The following PBX1 variants were observed in gnomAD, a reference collection of about 807,000 sequenced individuals.
The protein encoded by PBX1 is PBX homeobox 1.
In PBX1, 6 loss-of-function variants were observed where a neutral mutation model predicts 53.4. The ratio of observed to expected loss-of-function variants is 0.11; its 90% CI spans 0.06 to 0.22. The LOEUF is 0.22. PBX1 is among the 10% of genes least tolerant of loss of function. The probability of loss-of-function intolerance (pLI) is 1.00; values close to 1 mark genes in which losing one functional copy is unlikely to be tolerated. For synonymous variants in PBX1, 204 were observed against 212.3 expected (o/e 0.96, Z 0.34); for missense variants, 251 against 551.4 (o/e 0.46, Z 5.46).
At chr1:164,762,419 T>G (rs1435073413) in intron 2 of PBX1, among the ~76,000 whole-genome samples, 3 of 152,200 alleles carry the variant, frequency 2.0e-5, no homozygotes, top group Admixed American at 1.3e-4. Flanking sequence ...CTACCTACCC[T>G]TAGAGATAAC....
chr1:164,667,699 A>C (rs1660882959), intron 2 of PBX1, among the ~76,000 whole-genome samples: 1 of 152,178 alleles, frequency 6.6e-6, no homozygotes, highest in Non-Finnish European at 1.5e-5. Context: ...AATCAGCTGT[A>C]ATTTTGCCGA....
At chr1:164,764,487 G>A (rs564232672) in intron 2 of PBX1, among the ~76,000 whole-genome samples, 1 of 152,018 alleles carries the variant, frequency 6.6e-6, no homozygotes, top group Non-Finnish European at 1.5e-5. Flanking sequence ...AGTAATGTGG[G>A]GATGACCACA....
At chr1:164,776,016 T>A (rs1667625148) in intron 2 of PBX1, among the ~76,000 whole-genome samples, 1 of 152,226 alleles carries the variant, frequency 6.6e-6, no homozygotes, top group Non-Finnish European at 1.5e-5. Context: ...AATCGGTTTG[T>A]CAGCTTTTCT....
intron 2 of PBX1, among the ~76,000 whole-genome samples, chr1:164,765,734 A>C (rs1238738826): frequency 1.3e-5 from 2 of 152,206 alleles, no homozygotes; most frequent in Non-Finnish European, 1.5e-5. Flanking sequence ...CAAGAGGCAG[A>C]GGAGTTGGAA....
intron 2 of PBX1, among the ~76,000 whole-genome samples, chr1:164,663,212 G>C (rs1301073589): frequency 7.1e-6 from 1 of 140,420 alleles, no homozygotes; most frequent in African/African-American, 2.7e-5. Flanking sequence ...CTTCCTTCCT[G>C]CCTTCCTGCC....
chr1:164,776,981 A>AGAGAGG (rs1667701639), intron 2 of PBX1, among the ~76,000 whole-genome samples: 1 of 15,042 alleles, frequency 6.6e-5, no homozygotes, highest in Non-Finnish European at 1.2e-4. Flanking sequence ...GAGAGAGAGG[A>AGAGAGG]GGTGTGGGGG....
chr1:164,599,381 TTTCTC>T (rs1656006756), intron 2 of PBX1, among the ~76,000 whole-genome samples: 1 of 152,066 alleles, frequency 6.6e-6, no homozygotes, highest in African/African-American at 2.4e-5. Context: ...TTTTGTTTCT[TTTCTC>T]TTTCTTCGGG....
At chr1:164,728,599 A>G (rs942005218) in intron 2 of PBX1, among the ~76,000 whole-genome samples, 1 of 152,230 alleles carries the variant, frequency 6.6e-6, no homozygotes, top group Non-Finnish European at 1.5e-5. Context: ...CAAGGCCAGA[A>G]TAATGAAATT....
At chr1:164,589,787 G>A (rs1424369395) in intron 2 of PBX1, among the ~76,000 whole-genome samples, 1 of 152,228 alleles carries the variant, frequency 6.6e-6, no homozygotes, top group African/African-American at 2.4e-5. Context: ...AAGGTGAAGT[G>A]ACTTTTCCAA....
chr1:164,874,007 G>GAAA lies in PBX1; in HGVS notation n.258-25170_258-25168dup, dbSNP rs11381707. Among the ~76,000 whole-genome samples the GAAA allele has an allele frequency of 1.6e-3, 224 of 143,448 alleles. 1 individual carries two copies. Among genetic ancestry groups the GAAA allele is most frequent in the South Asian group, 6.2e-3 (28 of 4,540 alleles). 94.1% of individuals were successfully genotyped at this position (143,448 alleles called of 152,430 possible). On this transcript the variant is annotated intron_variant and non_coding_transcript_variant, in intron 2 of 2. Coordinates refer to the PBX1 transcript ENST00000558796. Reference sequence around the variant, plus strand: ...TGACCCAAGATTACTGAGGAATTCAGAAAAAAAAAAAAAGAAAAAGAGGCA... The same window carrying GAAA: ...TGACCCAAGATTACTGAGGAATTCAGAAAAAAAAAAAAAAAAGAAAAAGAGGCA...
At chr1:164,760,380 C>G (rs900268129) in intron 2 of PBX1, among the ~76,000 whole-genome samples, 8 of 151,688 alleles carry the variant, frequency 5.3e-5, no homozygotes, top group Admixed American at 4.6e-4. Flanking sequence ...TTCCTCCCTC[C>G]CACCCTTCTT....
At chr1:164,623,088 C>T (rs1300280331) in intron 2 of PBX1, among the ~76,000 whole-genome samples, 2 of 152,336 alleles carry the variant, frequency 1.3e-5, no homozygotes, top group East Asian at 3.9e-4. Context: ...GCTAGGATTA[C>T]AGGCATGAGC....
chr1:164,561,249 T>C (rs940022340), intron 1 of PBX1, among the ~76,000 whole-genome samples: 4 of 152,194 alleles, frequency 2.6e-5, no homozygotes, highest in Non-Finnish European at 5.9e-5. Flanking sequence ...TGTATTTCTG[T>C]CTACGTGAAA....
chr1:164,749,211 A>G (rs968700959), intron 2 of PBX1, among the ~76,000 whole-genome samples: 1 of 152,222 alleles, frequency 6.6e-6, no homozygotes, highest in Non-Finnish European at 1.5e-5. Flanking sequence ...TCAGTTTTTA[A>G]TCTATTTGCA....
intron 2 of PBX1, among the ~76,000 whole-genome samples, chr1:164,727,757 G>T (rs1664775251): frequency 6.6e-6 from 1 of 152,168 alleles, no homozygotes; most frequent in African/African-American, 2.4e-5. Flanking sequence ...GGTATATAAG[G>T]CTTCTTTTTG....
intron 2 of PBX1, among the ~76,000 whole-genome samples, chr1:164,872,860 G>T (rs982286039): frequency 1.3e-5 from 2 of 152,164 alleles, no homozygotes; most frequent in African/African-American, 4.8e-5. Flanking sequence ...CTTGAGTCCA[G>T]CCTGGTGAGA....
chr1:164,611,180 T>G (rs912628267), intron 2 of PBX1, among the ~76,000 whole-genome samples: 1 of 152,200 alleles, frequency 6.6e-6, no homozygotes, highest in Admixed American at 6.5e-5. Flanking sequence ...GATGTTCACT[T>G]AACCCTTTTT....
chr1:164,610,265 G>A (rs148883028), intron 2 of PBX1, among the ~76,000 whole-genome samples: 88 of 152,210 alleles, frequency 5.8e-4, no homozygotes, highest in South Asian at 1.0e-3. Context: ...TGAGCTTGAC[G>A]GTGGTCCATG....
intron 8 of PBX1, among the ~76,000 whole-genome samples, chr1:164,823,917 G>T (rs926981172): frequency 2.0e-5 from 3 of 152,106 alleles, no homozygotes; most frequent in African/African-American, 7.2e-5. Flanking sequence ...GGCTAAGCTT[G>T]TTATAGTGAG....
Sources: allele counts gnomAD v4.1 joint callset (sites outside exome capture counted in the v4.1 genomes callset), GRCh38; gene constraint gnomAD v4.1.1; transcripts MANE v1.5; gene names NCBI Gene and HGNC (gene_info 2026-07-23, HGNC 2026-07-21).